ZNF385D: variants seen among roughly 807,000 people sequenced by gnomAD.
ZNF385D encodes zinc finger protein 659.
Under a neutral mutation model 35.8 loss-of-function variants are expected in ZNF385D, and 15 were observed. The ratio of observed to expected loss-of-function variants is 0.42; its 90% CI spans 0.28 to 0.64. The LOEUF (loss-of-function observed/expected upper bound fraction) is 0.64, where lower values mean the gene tolerates loss of function less well. ZNF385D is among the 30% of genes least tolerant of loss of function. The probability of loss-of-function intolerance (pLI) is 0.23; values close to 1 mark genes in which losing one functional copy is unlikely to be tolerated. For synonymous variants in ZNF385D, 212 were observed against 186.8 expected, an observed-to-expected ratio of 1.13 and a Z score of -1.10; for missense variants, 474 against 494.6, an observed-to-expected ratio of 0.96 and a Z score of 0.39.
At chr3:21,568,729 TG>T (rs1173206581) in intron 2 of ZNF385D, among the ~76,000 whole-genome samples, 1 of 152,192 alleles carries the variant, frequency 6.6e-6, no homozygotes, top group Non-Finnish European at 1.5e-5. Flanking sequence ...TTTTTATTTT[TG>T]TTTTTTAATT....
chr3:21,514,078 C>CTA (rs1326051672), intron 3 of ZNF385D, among the ~76,000 whole-genome samples: 1 of 151,962 alleles, frequency 6.6e-6, no homozygotes, highest in East Asian at 1.9e-4. Flanking sequence ...ATCAGTTGGC[C>CTA]TGGGATGTCT....
At chr3:21,525,215 G>A (rs7615120) in intron 3 of ZNF385D, among the ~76,000 whole-genome samples, 86,259 of 151,930 alleles carry the variant, frequency 0.57, 24,917 homozygotes, top group East Asian at 0.7. Context: ...ATTCTACTCT[G>A]TGTTTTTTCA....
At chr3:21,842,618 T>C (rs1695752241) in intron 3 of ZNF385D, among the ~76,000 whole-genome samples, 1 of 152,016 alleles carries the variant, frequency 6.6e-6, no homozygotes, top group South Asian at 2.1e-4. Context: ...TCTGAGGATG[T>C]GAATTTATAT....
chr3:22,347,746 G>A (rs1439793013), intron 2 of ZNF385D, among the ~76,000 whole-genome samples: 2 of 152,122 alleles, frequency 1.3e-5, no homozygotes, highest in Non-Finnish European at 2.9e-5. Context: ...GAAAATCTCA[G>A]CTATTAAATT....
chr3:22,058,786 A>G (rs1178512602), intron 3 of ZNF385D, among the ~76,000 whole-genome samples: 1 of 152,232 alleles, frequency 6.6e-6, no homozygotes, highest in African/African-American at 2.4e-5. Context: ...AATTTTAACC[A>G]TAATTTGTAA....
rs562876212 is a variant in ZNF385D at position 21,501,740 on chromosome 3, T to G, written c.439+9121A>C. ...AAATATTTTGTTATGTAAGCTTATG[T>G]CTACTCAATTCCTAAGAATCACATA... On this transcript the variant is annotated intron_variant, in intron 4 of 7. Transcript: ENST00000281523. 2.4e-3 allele frequency among the ~76,000 whole-genome samples: 359 copies of G among 152,310 alleles called. 2 individuals are homozygous for G. Among genetic ancestry groups the G allele is most frequent in the Non-Finnish European group, 4.4e-3 (299 of 68,028 alleles).
intron 3 of ZNF385D, among the ~76,000 whole-genome samples, chr3:21,814,284 G>C (rs1037998690): frequency 3.9e-5 from 6 of 152,126 alleles, no homozygotes; most frequent in Non-Finnish European, 7.4e-5. Flanking sequence ...GGAAGAAACT[G>C]CATCAACTAA....
chr3:22,121,739 G>T (rs1415647464), intron 3 of ZNF385D, among the ~76,000 whole-genome samples: 1 of 151,476 alleles, frequency 6.6e-6, no homozygotes, highest in Admixed American at 6.6e-5. Context: ...CTGTACCTGG[G>T]CATTTTAAAA....
At chr3:21,980,740 C>T (rs898119932) in intron 3 of ZNF385D, among the ~76,000 whole-genome samples, 9 of 152,122 alleles carry the variant, frequency 5.9e-5, no homozygotes, top group African/African-American at 2.2e-4. Flanking sequence ...AACCAGACCA[C>T]AGTGTCTGTT....
At chr3:21,430,280 T>C (rs1021339770) in intron 5 of ZNF385D, among the ~76,000 whole-genome samples, 5 of 152,110 alleles carry the variant, frequency 3.3e-5, no homozygotes, top group African/African-American at 1.2e-4. Flanking sequence ...AGTTCCTTGG[T>C]TGAAAGTAAT....
chr3:21,431,741 A>C (rs911558801), intron 5 of ZNF385D, among the ~76,000 whole-genome samples: 2 of 152,154 alleles, frequency 1.3e-5, no homozygotes, highest in Non-Finnish European at 2.9e-5. Flanking sequence ...CTTTATTTTC[A>C]ATTAAAGGGA....
intron 3 of ZNF385D, among the ~76,000 whole-genome samples, chr3:21,910,084 T>TACACACAC (rs112815077): frequency 0.012 from 1,825 of 149,330 alleles, 29 homozygotes; most frequent in African/African-American, 0.039. Context: ...ACATATATTT[T>TACACACAC]ACACACACAC....
rs1429225633 is a variant in ZNF385D at position 21,420,935 on chromosome 3, G to A, written c.*279C>T. On this transcript the variant is annotated 3_prime_UTR_variant, in exon 8 of 8. Coordinates refer to ENST00000281523, the MANE Select transcript of ZNF385D (RefSeq NM_024697.3). ...GGTGCCCAAAAGCACAGTCACAGAG[G>A]CTTCAGAAGGTCTAGATACCACTAC... 2.7e-6 allele frequency: 1 copy of A among 371,466 alleles called. No individual in the cohort carries two copies. The highest frequency in any genetic ancestry group is 3.9e-5 in the Admixed American group (1 of 25,364). 23.0% of individuals were successfully genotyped at this position (371,466 alleles called of 1,614,324 possible). A position where few individuals can be genotyped will look rare whatever the true frequency, so the allele number is the denominator to read the frequency against.
At chr3:21,622,848 C>T (rs2065042574) in intron 2 of ZNF385D, among the ~76,000 whole-genome samples, 1 of 151,858 alleles carries the variant, frequency 6.6e-6, no homozygotes, top group African/African-American at 2.4e-5. Flanking sequence ...TCTGTTCTTT[C>T]AACATGATTT....
At chr3:21,827,175 T>A (rs530691523) in intron 3 of ZNF385D, among the ~76,000 whole-genome samples, 1 of 152,330 alleles carries the variant, frequency 6.6e-6, no homozygotes, top group East Asian at 1.9e-4. Context: ...CAATATTTCT[T>A]AGCTTCTTTT....
chr3:22,348,001 C>T (rs1695735788), intron 2 of ZNF385D, among the ~76,000 whole-genome samples: 1 of 152,118 alleles, frequency 6.6e-6, no homozygotes, highest in East Asian at 1.9e-4. Flanking sequence ...AGTACCTCTA[C>T]TTCTGGAATT....
At chr3:21,781,341 T>C (rs954427233) in intron 3 of ZNF385D, among the ~76,000 whole-genome samples, 5 of 152,018 alleles carry the variant, frequency 3.3e-5, no homozygotes, top group African/African-American at 1.2e-4. Flanking sequence ...TCCATACCCT[T>C]CCATATCTAC....
intron 1 of ZNF385D, among the ~76,000 whole-genome samples, chr3:21,717,878 T>G (rs1311096408): frequency 2.0e-5 from 3 of 152,210 alleles, no homozygotes; most frequent in Non-Finnish European, 2.9e-5. Flanking sequence ...AGGTATGTCT[T>G]TATTAACAGC....
At chr3:22,290,507 C>T (rs781526119) in intron 2 of ZNF385D, among the ~76,000 whole-genome samples, 12 of 152,170 alleles carry the variant, frequency 7.9e-5, no homozygotes, top group Non-Finnish European at 1.8e-4. Flanking sequence ...AAACAGTGGC[C>T]TTTCTGGCAA....
Sources: gnomAD v4.1 joint callset for allele counts (sites outside exome capture counted in the v4.1 genomes callset) on GRCh38, gnomAD v4.1.1 for gene constraint, MANE v1.5 for transcripts, NCBI Gene and HGNC (gene_info 2026-07-23, HGNC 2026-07-21) for gene names.